STAG1: variants seen among roughly 807,000 people sequenced by gnomAD.
STAG1 encodes STAG1 cohesin complex component, also known as cohesin subunit SA-1.
Under a neutral mutation model 170.9 loss-of-function variants are expected in STAG1, and 26 were observed. That is an observed-to-expected ratio of 0.15 (90% confidence interval 0.11 to 0.21). STAG1 has a LOEUF of 0.21. Ranked by LOEUF, STAG1 falls within the 10% of genes least tolerant of loss-of-function variation. STAG1 has a pLI of 1.00. For synonymous variants in STAG1, 514 were observed against 497.7 expected (o/e 1.03, Z -0.44); for missense variants, 964 against 1,509.5 (o/e 0.64, Z 5.99).
intron 1 of STAG1, among the ~76,000 whole-genome samples, chr3:136,693,955 T>C (rs1314137244): frequency 6.6e-6 from 1 of 152,180 alleles, no homozygotes; most frequent in Non-Finnish European, 1.5e-5. Context: ...CATTCCATGT[T>C]AGCTCTTTTA....
chr3:136,349,052 A>C (rs1936339593), intron 29 of STAG1, 106 bp downstream of exon 29: 1 of 868,472 alleles, frequency 1.2e-6, no homozygotes, highest in Admixed American at 2.1e-5. Flanking sequence ...AAAATATACA[A>C]GAAAATCATG....
At chr3:136,478,582 A>G (rs895927491) in intron 9 of STAG1, among the ~76,000 whole-genome samples, 6 of 152,166 alleles carry the variant, frequency 3.9e-5, no homozygotes, top group African/African-American at 1.4e-4. Flanking sequence ...AAAAGGCAAT[A>G]ATCTATCATT....
chr3:136,730,018 A>G (rs975279472), intron 1 of STAG1, among the ~76,000 whole-genome samples: 1 of 150,226 alleles, frequency 6.7e-6, no homozygotes, highest in African/African-American at 2.4e-5. Flanking sequence ...CCTCCTGAGT[A>G]GCTGGGACTA....
intron 21 of STAG1, among the ~76,000 whole-genome samples, chr3:136,416,646 G>C (rs546207978): frequency 6.6e-6 from 1 of 152,308 alleles, no homozygotes; most frequent in Non-Finnish European, 1.5e-5. Flanking sequence ...GCTGGTCTGA[G>C]ATGAAGAGAG....
chr3:136,436,390 T>C (rs2088463452), intron 15 of STAG1, among the ~76,000 whole-genome samples: 1 of 152,144 alleles, frequency 6.6e-6, no homozygotes, highest in East Asian at 1.9e-4. Context: ...CAAGTGATTC[T>C]CCTGCCTCAG....
At chr3:136,717,208 TATG>T (rs1039391523) in intron 1 of STAG1, among the ~76,000 whole-genome samples, 37 of 152,346 alleles carry the variant, frequency 2.4e-4, no homozygotes, top group Admixed American at 1.0e-3. Context: ...CTCATTATCT[TATG>T]ATATTATAAT....
chr3:136,462,943 G>A (rs1236221487), intron 13 of STAG1, among the ~76,000 whole-genome samples: 5 of 152,034 alleles, frequency 3.3e-5, no homozygotes, highest in African/African-American at 4.8e-5. Flanking sequence ...AATCTCATAA[G>A]TTTATTTTTC....
At chr3:136,560,289 T>C (rs1225413061) in intron 5 of STAG1, among the ~76,000 whole-genome samples, 1 of 152,188 alleles carries the variant, frequency 6.6e-6, no homozygotes, top group African/African-American at 2.4e-5. Context: ...TTATTAAAAA[T>C]AGGCACATCT....
At position 136,741,397 on chromosome 3, in the gene STAG1, T is replaced by C. The variant is rs563476624; in HGVS notation, c.-84+10798A>G. 8.3e-4 allele frequency among the ~76,000 whole-genome samples: 127 copies of C among 152,374 alleles called. 1 individual carries two copies. The highest frequency in any genetic ancestry group is 4.6e-3 in the South Asian group (22 of 4,830). Reference sequence around the variant, plus strand: ...ATAGGGTAAAACTTCAAACTCTTCATAGTTCTTGACAGACATTAGCATATG... The same window carrying C: ...ATAGGGTAAAACTTCAAACTCTTCACAGTTCTTGACAGACATTAGCATATG... On this transcript the variant is annotated intron_variant, in intron 1 of 33. Coordinates refer to ENST00000383202, the MANE Select transcript of STAG1 (RefSeq NM_005862.3).
intron 4 of STAG1, among the ~76,000 whole-genome samples, chr3:136,595,370 A>G (rs2107797376): frequency 6.6e-6 from 1 of 152,242 alleles, no homozygotes; most frequent in Admixed American, 6.5e-5. Context: ...TTTCCTAATC[A>G]TTCCAGAGCC....
chr3:136,564,775 C>T (rs1415816757), intron 5 of STAG1, among the ~76,000 whole-genome samples: 5 of 151,810 alleles, frequency 3.3e-5, no homozygotes, highest in Non-Finnish European at 7.4e-5. Flanking sequence ...GTTCTCAACC[C>T]TCATTCATTA....
At chr3:136,509,168 A>G (rs945008391) in intron 7 of STAG1, among the ~76,000 whole-genome samples, 2 of 152,238 alleles carry the variant, frequency 1.3e-5, no homozygotes, top group African/African-American at 4.8e-5. Context: ...CAGATAGAGG[A>G]TAAGAGTATA....
intron 21 of STAG1, among the ~76,000 whole-genome samples, chr3:136,400,612 T>C (rs1445234065): frequency 2.6e-5 from 4 of 152,162 alleles, no homozygotes; most frequent in Admixed American, 1.3e-4. Context: ...CTCGGCTCAC[T>C]GCAACCTCCG....
chr3:136,566,252 G>A (rs867941869), intron 5 of STAG1, among the ~76,000 whole-genome samples: 5 of 152,230 alleles, frequency 3.3e-5, no homozygotes, highest in South Asian at 2.1e-4. Context: ...GATTAGTGCC[G>A]TTATAAAGGG....
chr3:136,681,444 G>A (rs1187538055), intron 1 of STAG1, among the ~76,000 whole-genome samples: 1 of 152,034 alleles, frequency 6.6e-6, no homozygotes, highest in Non-Finnish European at 1.5e-5. Flanking sequence ...TGTAGCCTTG[G>A]GGGAAAAATA....
Position 136,665,059 on chromosome 3 carries a change from C to G in STAG1, c.-83-34078G>C, listed in dbSNP as rs137898291. 6.5e-3 allele frequency among the ~76,000 whole-genome samples: 987 copies of G among 152,238 alleles called. 12 individuals are homozygous for G. The highest frequency in any genetic ancestry group is 0.023 in the African/African-American group (938 of 41,550). ...GGGACTTGCGACTCCTTTTTTACAT[C>G]TTCTCCCTTTTTGAACCAGAATGTC... On this transcript the variant is annotated intron_variant, in intron 1 of 33. Coordinates refer to ENST00000383202, the MANE Select transcript of STAG1 (RefSeq NM_005862.3).
intron 13 of STAG1, 148 bp downstream of exon 13, chr3:136,464,733 T>A: frequency 1.7e-6 from 1 of 577,146 alleles, no homozygotes; most frequent in Admixed American, 3.4e-5. Flanking sequence ...CATGTATACA[T>A]AGGCTGTGAG....
chr3:136,556,659 T>C, intron 5 of STAG1, among the ~76,000 whole-genome samples: 1 of 151,962 alleles, frequency 6.6e-6, no homozygotes, highest in Non-Finnish European at 1.5e-5. Context: ...CACAGTTCAC[T>C]GCAATCTTCA....
chr3:136,604,223 AT>A (rs1485672261), intron 4 of STAG1, 85 bp downstream of exon 4: 1 of 1,218,152 alleles, frequency 8.2e-7, no homozygotes, highest in Non-Finnish European at 1.1e-6. Flanking sequence ...ACAGAAGTAT[AT>A]AAAGTGCCAA....
Sources: gnomAD v4.1 joint callset for allele counts (sites outside exome capture counted in the v4.1 genomes callset) on GRCh38, gnomAD v4.1.1 for gene constraint, MANE v1.5 for transcripts, NCBI Gene and HGNC (gene_info 2026-07-23, HGNC 2026-07-21) for gene names.